Variants in EPAS1 observed in about 807,000 individuals in gnomAD.
EPAS1 encodes the protein endothelial PAS domain-containing protein 1.
A neutral mutation model predicts 87.9 loss-of-function variants in EPAS1; 23 were observed. The observed-to-expected ratio is 0.26, with a 90% CI of 0.19 to 0.37. The LOEUF is 0.37. EPAS1 is among the 10% of genes least tolerant of loss of function. EPAS1 has a pLI of 1.00. For synonymous variants in EPAS1, 508 were observed against 444.3 expected (o/e 1.14, Z -1.80); for missense variants, 1,138 against 1,120.7 (o/e 1.02, Z -0.22).
chr2:46,346,900 G>A lies in EPAS1; in HGVS notation c.54G>A (p.Lys18=), dbSNP rs1401881272. Residue 18 remains lysine, a synonymous_variant, in exon 2 of 16, where the codon AAG becomes AAA. Coordinates refer to ENST00000263734, the MANE Select transcript of EPAS1 (RefSeq NM_001430.5). This position sits in a 1 kb window ranked among gnomAD's most constrained non-coding sequence, Gnocchi z 4.0. ...KRSSSERRKE[K]SRDAARCRRS... ...GTAGCTCGGAGAGGAGGAAGGAGAA[G>A]TCCCGGGATGCTGCGCGGTGCCGGC... The A allele has an allele frequency of 2.5e-6, 4 of 1,614,118 alleles. No homozygotes were observed. In the Admixed American group the frequency reaches 6.7e-5, roughly 27 times the overall value.
rs369874127 is a variant in EPAS1 at position 46,381,720 on chromosome 2, G to T, written c.2170G>T (p.Gly724Trp). The change falls in exon 13 of 16, where the codon GGG becomes TGG. Residue 724 changes from glycine (G) to tryptophan (W), a missense_variant and splice_region_variant. This residue lies in a region of EPAS1 where 502 missense variants were observed against 427.1 expected (regional missense o/e 1.18). Coordinates refer to ENST00000263734, the MANE Select transcript of EPAS1 (RefSeq NM_001430.5). ...AGAGCAAGCCTTCCAGGACCTGAGC[G>T]GGGTGAGTCATCCCCACTGGCCACA... The part of the protein sequence containing the change: ...YEEQAFQDLS[G>W]GDPPGGSTSH... 3.8e-5 allele frequency: 62 copies of T among 1,613,668 alleles called. No individual in the cohort carries two copies. The highest frequency in any genetic ancestry group is 5.0e-5 in the Non-Finnish European group (59 of 1,180,030).
chr2:46,363,936 C>A (rs1684453094), intron 6 of EPAS1, among the ~76,000 whole-genome samples: 1 of 152,170 alleles, frequency 6.6e-6, no homozygotes, highest in Non-Finnish European at 1.5e-5. Flanking sequence ...AGGGCACAGA[C>A]ATGGCTTAGA....
chr2:46,305,812 G>A (rs765757072), intron 1 of EPAS1, among the ~76,000 whole-genome samples: 5 of 152,204 alleles, frequency 3.3e-5, no homozygotes, highest in East Asian at 1.9e-4. Flanking sequence ...TGGTTAGGCC[G>A]TGTAATCAAA....
chr2:46,341,982 C>A (rs552245042), intron 1 of EPAS1, among the ~76,000 whole-genome samples: 6 of 152,278 alleles, frequency 3.9e-5, no homozygotes, highest in East Asian at 1.9e-4. Context: ...TGCCTCCCCC[C>A]ACCACACACA....
chr2:46,352,875 G>A (rs1684199675), intron 2 of EPAS1, among the ~76,000 whole-genome samples: 1 of 152,210 alleles, frequency 6.6e-6, no homozygotes, highest in African/African-American at 2.4e-5. Flanking sequence ...CAGCTGACCC[G>A]ATGCTGCTGT....
chr2:46,348,940 G>A (rs1336519508), intron 2 of EPAS1, among the ~76,000 whole-genome samples: 8 of 152,318 alleles, frequency 5.3e-5, no homozygotes, highest in African/African-American at 1.9e-4. Context: ...GACTCGTTGT[G>A]TTTCTCCTTA....
At chr2:46,299,532 C>T (rs760877836) in intron 1 of EPAS1, among the ~76,000 whole-genome samples, 5 of 152,262 alleles carry the variant, frequency 3.3e-5, no homozygotes, top group Non-Finnish European at 7.3e-5. Flanking sequence ...CTAATAATGA[C>T]TGAACCATCG....
rs1044446929 is a variant in EPAS1, at chr2:46,376,720, A to C, written c.1216A>C (p.Thr406Pro). The change falls in exon 9 of 16, where the codon ACC (threonine) becomes CCC (proline). Residue 406 changes from threonine (T) to proline (P), a missense_variant. Around this residue, in one of 4 missense-constraint regions of EPAS1, gnomAD observed 284 missense variants for 258.4 expected, o/e 1.10. Transcript: ENST00000263734. The stretch of plus-strand genomic sequence containing the variant: ...CGAGGAGCTGGCCCAGCTGGCTCCC[A>C]CCCCAGGAGACGCCATCATCTCTCT... ...EPEELAQLAP[T>P]PGDAIISLDF... 6.2e-7 allele frequency: 1 copy of C among 1,612,666 alleles called. No homozygotes were observed. The highest frequency in any genetic ancestry group is 8.5e-7 in the Non-Finnish European group (1 of 1,179,874).
rs1039513869 is a variant in EPAS1 at position 46,385,929 on chromosome 2, C to T, written c.*1269C>T. On this transcript the variant is annotated 3_prime_UTR_variant, in exon 16 of 16. Transcript: ENST00000263734. ...GGGGTCAAAAATGGTATAGTGACCC[C>T]GTCCACGTCCTCCAAGCTCACGACC... 1.3e-5 allele frequency: 2 copies of T among 152,390 alleles called. No individual in the cohort carries two copies. The highest frequency in any genetic ancestry group is 2.9e-5 in the Non-Finnish European group (2 of 68,046). The allele number at this position is 152,390 out of a possible 1,614,324, so 9.4% of individuals were successfully genotyped here. A position where few individuals can be genotyped will look rare whatever the true frequency, so the allele number is the denominator to read the frequency against.
At chr2:46,299,704 C>T (rs927960332) in intron 1 of EPAS1, among the ~76,000 whole-genome samples, 1 of 152,164 alleles carries the variant, frequency 6.6e-6, no homozygotes. Flanking sequence ...GCTCCTCCTG[C>T]GCTCCTTAGC....
At chr2:46,302,118 C>CTCTGTGTGTGTGTGTG (rs35925160) in intron 1 of EPAS1, among the ~76,000 whole-genome samples, 97 of 127,638 alleles carry the variant, frequency 7.6e-4, no homozygotes, top group Non-Finnish European at 1.0e-3. Context: ...CTCTTTCTCT[C>CTCTGTGTGTGTGTGTG]TGTGTGTGTG....
intron 1 of EPAS1, among the ~76,000 whole-genome samples, chr2:46,320,394 G>A (rs1169894445): frequency 6.6e-6 from 1 of 152,232 alleles, no homozygotes; most frequent in African/African-American, 2.4e-5. Context: ...GGCTACTTCT[G>A]TACAATGCAC....
At position 46,386,189 on chromosome 2, in the gene EPAS1, C is replaced by T. The variant is rs1002537867; in HGVS notation, c.*1529C>T. On this transcript the variant is annotated 3_prime_UTR_variant, in exon 16 of 16. Transcript: ENST00000263734. ...TTTGCAACTCCCTGGGTAAGAGGGACGACACCTCTGGTTTTTCAATACCAA... is the reference window on the plus strand; with the variant it reads ...TTTGCAACTCCCTGGGTAAGAGGGATGACACCTCTGGTTTTTCAATACCAA... 1.3e-5 allele frequency: 2 copies of T among 152,646 alleles called. No homozygotes were observed. Among genetic ancestry groups the T allele is most frequent in the African/African-American group, 2.4e-5 (1 of 41,450 alleles). The allele number at this position is 152,646 out of a possible 1,614,324, so 9.5% of individuals were successfully genotyped here. A position where few individuals can be genotyped will look rare whatever the true frequency, so the allele number is the denominator to read the frequency against.
intron 1 of EPAS1, among the ~76,000 whole-genome samples, chr2:46,332,332 G>GTGTGTGCGTGTA (rs146630883): frequency 7.0e-6 from 1 of 142,116 alleles, no homozygotes; most frequent in African/African-American, 2.7e-5. Flanking sequence ...GTGTGTGTGT[G>GTGTGTGCGTGTA]TATCAACTTG....
rs61518065 is a variant in EPAS1 at position 46,382,490 on chromosome 2, C to A, written c.2353C>A (p.Pro785Thr). ...HPLRHLPLPQ[P>T]PSAISPGENS... ...CCTGAGACATCTGCCGCTGCCACAG[C>A]CTCCATCTGCCATCAGTCCCGGGGA... Residue 785 changes from proline to threonine, a missense_variant, in exon 15 of 16, where the codon CCT becomes ACT. Pro to Thr is a conservative substitution (Grantham distance 38). This residue lies in a region of EPAS1 where 502 missense variants were observed against 427.1 expected (regional missense o/e 1.18). Transcript: ENST00000263734. 12,294 of 1,614,120 alleles carry A rather than the reference C, an allele frequency of 7.6e-3. 782 individuals carry two copies. The African/African-American group carries it at 0.14, about 19-fold the overall frequency.
Position 46,375,515 on chromosome 2 carries a change from G to T in EPAS1, c.887-175G>T. The T allele has an allele frequency of 1.4e-6, 1 of 716,522 alleles. No individual in the cohort carries two copies. The allele number at this position is 716,522 out of a possible 1,614,324, so 44.4% of individuals were successfully genotyped here. A position where few individuals can be genotyped will look rare whatever the true frequency, so the allele number is the denominator to read the frequency against. On this transcript the variant is annotated intron_variant, in intron 7 of 15. Transcript: ENST00000263734. This position sits in a 1 kb window ranked among gnomAD's most constrained non-coding sequence, Gnocchi z 4.1. Reference sequence around the variant, plus strand: ...TTCCTATATTTAAAATGAAGAGTTGGCTGAGGTGATCCCTAAGCTCCCTCC... The same window carrying T: ...TTCCTATATTTAAAATGAAGAGTTGTCTGAGGTGATCCCTAAGCTCCCTCC...
rs777601851 is a variant in EPAS1, at chr2:46,378,627, G to A, written c.1444-30G>A. 1.1e-5 allele frequency: 18 copies of A among 1,593,768 alleles called. No individual in the cohort carries two copies. In the Admixed American group the frequency reaches 2.8e-4, roughly 25 times the overall value. On this transcript the variant is annotated intron_variant, in intron 10 of 15. Coordinates refer to ENST00000263734, the MANE Select transcript of EPAS1 (RefSeq NM_001430.5). ...CTGGGGAGACCAGTGCCATATCTTT[G>A]ACTCTGTCCCCCTCCTTCCTGGCCC...
At chr2:46,376,428 C>T in intron 8 of EPAS1, 111 bp from the exon 9 acceptor site, 1 of 1,026,272 alleles carries the variant, frequency 9.7e-7, no homozygotes, top group Non-Finnish European at 1.5e-6. Flanking sequence ...TGCCTGGAGT[C>T]CTACCCATTT....
intron 1 of EPAS1, among the ~76,000 whole-genome samples, chr2:46,337,707 C>A (rs905361578): frequency 6.6e-6 from 1 of 151,928 alleles, no homozygotes. Flanking sequence ...GGGTAGAAGC[C>A]CTAAGGAAAA....
Sources: gnomAD v4.1 joint callset for allele counts (sites outside exome capture counted in the v4.1 genomes callset) on GRCh38, gnomAD v4.1.1 for gene constraint, gnomAD v4.1.1 regional missense constraint, Gnocchi (gnomAD v3.1) non-coding constraint, MANE v1.5 for transcripts, NCBI Gene and HGNC (gene_info 2026-07-23, HGNC 2026-07-21) for gene names.